The following ANKRD30A variants were observed in gnomAD, a reference collection of about 807,000 sequenced individuals.
The protein encoded by ANKRD30A is ankyrin repeat domain 30A, also known as ankyrin repeat domain-containing protein 30A.
In ANKRD30A, 170 loss-of-function variants were observed where a neutral mutation model predicts 166.3. The observed-to-expected ratio is 1.02, with a 90% CI of 0.90 to 1.16. The LOEUF is 1.16. Ranked by LOEUF, ANKRD30A falls within the 50% of genes most tolerant of loss-of-function variation. ANKRD30A has a pLI of 0.00. For synonymous variants in ANKRD30A, 564 were observed against 508.9 expected (o/e 1.11, Z -1.46); for missense variants, 1,630 against 1,518.0 (o/e 1.07, Z -1.23).
the ANKRD30A span, chr10:37,264,607 C>T: frequency 2.8e-6 from 1 of 356,512 alleles, no homozygotes; most frequent in Non-Finnish European, 5.2e-6. Flanking sequence ...TCTGGTCCAC[C>T]ATTCTCATTG....
In ANKRD30A at chr10:37,226,103, T is replaced by TTA. The variant is rs529229921; in HGVS notation, c.4186-5343_4186-5342dup. On this transcript the variant is annotated intron_variant, in intron 34 of 35. Coordinates refer to ENST00000361713, the MANE Select transcript of ANKRD30A (RefSeq NM_052997.3). ...ACTTAGCATAACATTTTCTTTTTATTTATATATATATATATAATTTTACTT... is the reference window on the plus strand; with the variant it reads ...ACTTAGCATAACATTTTCTTTTTATTTATATATATATATATATAATTTTACTT... Among the ~76,000 whole-genome samples, 874 of 149,562 alleles carry TTA rather than the reference T, an allele frequency of 5.8e-3. 8 individuals are homozygous for TTA. The highest frequency in any genetic ancestry group is 0.015 in the African/African-American group (609 of 40,942).
chr10:37,258,812 A>C, the ANKRD30A span, among the ~76,000 whole-genome samples: 2 of 151,594 alleles, frequency 1.3e-5, no homozygotes, highest in East Asian at 3.9e-4. Context: ...AAATACAAAA[A>C]ATTAGCCAGG....
intron 27 of ANKRD30A, 85 bp downstream of exon 27, chr10:37,193,343 G>C: frequency 7.0e-7 from 1 of 1,423,666 alleles, no homozygotes; most frequent in Non-Finnish European, 9.6e-7. Context: ...TCCCAATGTT[G>C]TTTTCTATTC....
In ANKRD30A at chr10:37,158,436, T is replaced by C. The variant is rs753111852; in HGVS notation, c.1827+16T>C. On this transcript the variant is annotated intron_variant, in intron 14 of 35. Transcript: ENST00000361713. ...TCTTCTGAAGGTAATAACTTTTATA[T>C]TTTTGTCTTGAGTATCAACTACATA... The C allele has an allele frequency of 1.9e-6, 3 of 1,612,034 alleles. No individual in the cohort carries two copies. The East Asian group carries it at 6.7e-5, about 36-fold the overall frequency.
rs200639888 is a variant in ANKRD30A at position 37,130,242 on chromosome 10, T to C, written c.374T>C (p.Leu125Pro). The C allele has an allele frequency of 3.7e-5, 60 of 1,601,678 alleles. No homozygotes were observed. The highest frequency in any genetic ancestry group is 1.7e-4 in the Middle Eastern group (1 of 6,044). The change falls in exon 3 of 36, where the codon CTG becomes CCG. Residue 125 changes from leucine to proline, a missense_variant. By Grantham distance (98) the Leu-to-Pro change is moderately conservative (BLOSUM62 -3). Around this residue, in one of 4 missense-constraint regions of ANKRD30A, gnomAD observed 904 missense variants for 818.5 expected, o/e 1.10. Transcript: ENST00000361713. ...QCHQEACANI[L>P]IDSGADINLV... ...CATCAGGAGGCTTGTGCAAATATTC[T>C]GATAGATTCTGGTGCCGATATAAAT...
chr10:37,153,738 A>G, intron 13 of ANKRD30A, 76 bp downstream of exon 13: 6 of 1,569,124 alleles, frequency 3.8e-6, no homozygotes, highest in Non-Finnish European at 5.2e-6. Flanking sequence ...ATCCTCTAGT[A>G]GCTGAAGAAA....
intron 1 of ANKRD30A, among the ~76,000 whole-genome samples, chr10:37,126,903 C>T (rs1419328571): frequency 1.3e-5 from 2 of 151,428 alleles, no homozygotes; most frequent in Non-Finnish European, 2.9e-5. Context: ...AAAAATTAGC[C>T]GGGCATGATG....
intron 31 of ANKRD30A, among the ~76,000 whole-genome samples, chr10:37,202,962 A>T (rs956152831): frequency 1.1e-4 from 17 of 152,170 alleles, no homozygotes; most frequent in African/African-American, 3.9e-4. Context: ...GAATAGACCA[A>T]TAACAGGCTC....
downstream of ANKRD30A, among the ~76,000 whole-genome samples, chr10:37,236,938 G>C (rs1221467482): frequency 6.6e-6 from 1 of 152,100 alleles, no homozygotes; most frequent in Non-Finnish European, 1.5e-5. Flanking sequence ...TAACAAACTT[G>C]TTCTTTACAA....
Position 37,147,476 on chromosome 10 carries a change from T to C in ANKRD30A, c.1543+19T>C. The C allele has an allele frequency of 1.3e-6, 2 of 1,501,092 alleles. No individual in the cohort carries two copies. The highest frequency in any genetic ancestry group is 1.2e-5 in the South Asian group (1 of 82,742). 93.0% of individuals were successfully genotyped at this position (1,501,092 alleles called of 1,614,324 possible). A position where few individuals can be genotyped will look rare whatever the true frequency, so the allele number is the denominator to read the frequency against. On this transcript the variant is annotated intron_variant, in intron 9 of 35. Transcript: ENST00000361713. ...GTAGAAGGTAAGAACGATTTTTTAT[T>C]TGAAAAGTCTTTTAACCATATGTTT...
chr10:37,126,052 GCGGT>G, intron 1 of ANKRD30A, 44 bp downstream of exon 1: 3 of 1,599,694 alleles, frequency 1.9e-6, no homozygotes, highest in Non-Finnish European at 2.6e-6. Flanking sequence ...GGAGGTGGGG[GCGGT>G]GGGAGGATCG....
chr10:37,192,036 A>G lies in ANKRD30A; in HGVS notation c.2513-1028A>G, dbSNP rs983357615. Among the ~76,000 whole-genome samples, 6 of 151,858 alleles carry G rather than the reference A, an allele frequency of 4.0e-5. No individual in the cohort carries two copies. The East Asian group carries it at 7.7e-4, about 20-fold the overall frequency. On this transcript the variant is annotated intron_variant, in intron 25 of 35. Transcript: ENST00000361713. ...TTCTAGTTTTTGATACTTTCACATTACATGTTTTTTCTTTTTTAGAGACAG... is the reference window on the plus strand; with the variant it reads ...TTCTAGTTTTTGATACTTTCACATTGCATGTTTTTTCTTTTTTAGAGACAG...
chr10:37,156,950 T>C (rs1838429055), intron 13 of ANKRD30A, among the ~76,000 whole-genome samples: 1 of 152,194 alleles, frequency 6.6e-6, no homozygotes. Context: ...TTTGTGTGTT[T>C]TAGAGAGTTT....
At chr10:37,220,021 A>G (rs1012886457) in intron 34 of ANKRD30A, 124 bp downstream of exon 34, 1 of 139,578 alleles carries the variant, frequency 7.2e-6, no homozygotes, top group Non-Finnish European at 1.4e-5. Context: ...ATATATATAT[A>G]TATATATAAT....
intron 24 of ANKRD30A, among the ~76,000 whole-genome samples, chr10:37,177,966 A>G (rs1292069523): frequency 1.1e-3 from 165 of 150,140 alleles, no homozygotes; most frequent in African/African-American, 3.5e-3. Context: ...TTACTAGTTT[A>G]AATTCAAGAT....
intron 6 of ANKRD30A, among the ~76,000 whole-genome samples, chr10:37,138,726 G>A (rs1836892944): frequency 6.6e-6 from 1 of 152,228 alleles, no homozygotes; most frequent in African/African-American, 2.4e-5. Flanking sequence ...ATGGGGCTAT[G>A]TGAAAAGACC....
intron 13 of ANKRD30A, among the ~76,000 whole-genome samples, chr10:37,156,030 A>G (rs1838352788): frequency 6.6e-6 from 1 of 151,924 alleles, no homozygotes; most frequent in African/African-American, 2.4e-5. Context: ...GTAGCGAGCC[A>G]AGATCTCGCC....
At chr10:37,190,654 G>A (rs1166241960) in intron 25 of ANKRD30A, among the ~76,000 whole-genome samples, 1 of 151,782 alleles carries the variant, frequency 6.6e-6, no homozygotes. Context: ...GATTTTCTAT[G>A]AAGGAAAATG....
chr10:37,232,652 TTTTATATATATATATA>T (rs1369279657), downstream of ANKRD30A: 34 of 22,190 alleles, frequency 1.5e-3, 1 homozygote, highest in South Asian at 0.045. Flanking sequence ...GAAGCATTGG[TTTTATATATATATATA>T]TATATATATA....
Sources: allele counts gnomAD v4.1 joint callset (sites outside exome capture counted in the v4.1 genomes callset), GRCh38; gene constraint gnomAD v4.1.1; regional missense constraint gnomAD v4.1.1; transcripts MANE v1.5; gene names NCBI Gene and HGNC (gene_info 2026-07-23, HGNC 2026-07-21).